SDCBP2: variants seen among roughly 807,000 people sequenced by gnomAD.
SDCBP2 encodes syndecan binding protein 2.
Under a neutral mutation model 30.7 loss-of-function variants are expected in SDCBP2, and 28 were observed. The ratio of observed to expected loss-of-function variants is 0.91; its 90% CI spans 0.68 to 1.25. The LOEUF is 1.25. Ranked by LOEUF, SDCBP2 falls within the 50% of genes most tolerant of loss-of-function variation. The probability of loss-of-function intolerance (pLI) is 0.00; values close to 1 mark genes in which losing one functional copy is unlikely to be tolerated. For missense variants in SDCBP2, 399 were observed against 379.0 expected (o/e 1.05, Z -0.44); for synonymous variants, 166 against 157.3 (o/e 1.06, Z -0.41).
Position 1,314,522 on chromosome 20 carries a change from GGAAAGGAAAAGAAAA to G in SDCBP2, c.226-1039_226-1025del, listed in dbSNP as rs1319220504. On this transcript the variant is annotated intron_variant, in intron 4 of 8. Coordinates refer to ENST00000360779, the MANE Select transcript of SDCBP2 (RefSeq NM_080489.5). ...AAAAAAAAAAAAAAAGGAAAGGAAA[GGAAAGGAAAAGAAAA>G]GAAAGGAAAAGAAAAGAAAAGGAAT... is the stretch of plus-strand genomic sequence containing the variant. Among the ~76,000 whole-genome samples the G allele has an allele frequency of 6.0e-4, 75 of 125,132 alleles. No homozygotes were observed. In the East Asian group the frequency reaches 7.2e-3, roughly 12 times the overall value. 82.1% of individuals were successfully genotyped at this position (125,132 alleles called of 152,430 possible).
In SDCBP2 at chr20:1,310,897, G is replaced by A. The variant is rs765986198; in HGVS notation, c.733-6C>T. ...ATCTCCATGATCTTTTTGTCCTAGG[G>A]AGGAGGCAAGTAAGCGATCACCCTA... On this transcript the variant is annotated splice_polypyrimidine_tract_variant and splice_region_variant and intron_variant, in intron 7 of 8. Transcript: ENST00000360779. 5 of 1,611,416 alleles carry A rather than the reference G, an allele frequency of 3.1e-6. No individual in the cohort carries two copies. The highest frequency in any genetic ancestry group is 4.2e-6 in the Non-Finnish European group (5 of 1,177,896).
At chr20:1,310,757 G>A in intron 8 of SDCBP2, 43 bp downstream of exon 8, 1 of 1,532,484 alleles carries the variant, frequency 6.5e-7, no homozygotes, top group Non-Finnish European at 9.0e-7. Context: ...GAAGGGGATG[G>A]CAGAGGAGGG....
rs115612771 is a variant in SDCBP2 at position 1,316,378 on chromosome 20, C to A, written c.225+1940G>T. ...ACGGCAAAATAAAATGGTATAGCCA[C>A]TCCAGGAACTAGTTTGGCAGTTTCT... On this transcript the variant is annotated intron_variant, in intron 4 of 8. Coordinates refer to ENST00000360779, the MANE Select transcript of SDCBP2 (RefSeq NM_080489.5). 7.4e-3 allele frequency among the ~76,000 whole-genome samples: 1,124 copies of A among 152,232 alleles called. 16 individuals carry two copies. The highest frequency in any genetic ancestry group is 0.025 in the African/African-American group (1,056 of 41,542).
rs1277479965 is a variant in SDCBP2 at position 1,310,424 on chromosome 20, C to T, written c.*17G>A. The T allele has an allele frequency of 1.4e-5, 23 of 1,612,794 alleles. No individual in the cohort carries two copies. The highest frequency in any genetic ancestry group is 1.9e-5 in the Non-Finnish European group (23 of 1,179,710). ...AGGGCGGGAAGCCCCCCCTGCCTGC[C>T]CTGCCCTGCAGTGGCTTCAGGCATC... On this transcript the variant is annotated 3_prime_UTR_variant, in exon 9 of 9. Transcript: ENST00000360779.
chr20:1,320,522 T>C lies in SDCBP2; in HGVS notation c.-19-87A>G. ...ACAGACATCCGCAACAGCAAGCGGGTTGGAACTTAATATTCAAACAGAAAG... is the reference window on the plus strand; with the variant it reads ...ACAGACATCCGCAACAGCAAGCGGGCTGGAACTTAATATTCAAACAGAAAG... On this transcript the variant is annotated intron_variant, in intron 1 of 8. Transcript: ENST00000360779. The surrounding 1 kb of genome is among the most constrained non-coding windows in gnomAD (Gnocchi z 4.7). 9.5e-7 allele frequency: 1 copy of C among 1,050,352 alleles called. No homozygotes were observed. Among genetic ancestry groups the C allele is most frequent in the Non-Finnish European group, 1.4e-6 (1 of 702,072 alleles). The allele number at this position is 1,050,352 out of a possible 1,614,324, so 65.1% of individuals were successfully genotyped here.
rs746228378 is a variant in SDCBP2 at position 1,320,324 on chromosome 20, C to T, written c.54+39G>A. 1 of 1,596,412 alleles carries T rather than the reference C, an allele frequency of 6.3e-7. No homozygotes were observed. The highest frequency in any genetic ancestry group is 8.6e-7 in the Non-Finnish European group (1 of 1,165,634). ...CCTTCCAGGGTAATCCCCAAGGTCCCCTTCAGGGAATCCAGGCCAATGGGG... is the reference window on the plus strand; with the variant it reads ...CCTTCCAGGGTAATCCCCAAGGTCCTCTTCAGGGAATCCAGGCCAATGGGG... On this transcript the variant is annotated intron_variant, in intron 2 of 8. Coordinates refer to ENST00000360779, the MANE Select transcript of SDCBP2 (RefSeq NM_080489.5). The surrounding 1 kb of genome is among the most constrained non-coding windows in gnomAD (Gnocchi z 4.7).
At position 1,321,291 on chromosome 20, in the gene SDCBP2, T is replaced by C. The variant is rs2088847578; in HGVS notation, c.-19-856A>G. On this transcript the variant is annotated intron_variant, in intron 1 of 8. Transcript: ENST00000360779. The surrounding 1 kb of genome is among the most constrained non-coding windows in gnomAD (Gnocchi z 5.2). ...GTGGCACAGGAAACTGAGGGTCCTGTGCCTGAGCGATGTGACTCCAGGCTT... is the reference window on the plus strand; with the variant it reads ...GTGGCACAGGAAACTGAGGGTCCTGCGCCTGAGCGATGTGACTCCAGGCTT... 1 of 152,270 alleles carries C rather than the reference T, an allele frequency of 6.6e-6. No individual in the cohort carries two copies. The highest frequency in any genetic ancestry group is 2.4e-5 in the African/African-American group (1 of 41,420). The allele number at this position is 152,270 out of a possible 1,614,324, so 9.4% of individuals were successfully genotyped here. A position where few individuals can be genotyped will look rare whatever the true frequency, so the allele number is the denominator to read the frequency against.
At chr20:1,319,325 G>T (rs2088821495) in intron 3 of SDCBP2, among the ~76,000 whole-genome samples, 1 of 152,190 alleles carries the variant, frequency 6.6e-6, no homozygotes, top group South Asian at 2.1e-4. Flanking sequence ...CTTGAGCTGG[G>T]TTTGGAAGGA....
chr20:1,327,147 A>G (rs573829916), intron 1 of SDCBP2, among the ~76,000 whole-genome samples: 39 of 152,296 alleles, frequency 2.6e-4, no homozygotes, highest in African/African-American at 8.7e-4. Context: ...TCTCTCTCAG[A>G]GGAATTTTCC....
At chr20:1,314,190 T>C (rs2088733011) in intron 4 of SDCBP2, among the ~76,000 whole-genome samples, 1 of 152,100 alleles carries the variant, frequency 6.6e-6, no homozygotes, top group South Asian at 2.1e-4. Flanking sequence ...TAAACTGAAA[T>C]TTAAAATACA....
chr20:1,325,142 G>A (rs569813105), intron 1 of SDCBP2, among the ~76,000 whole-genome samples: 2 of 152,276 alleles, frequency 1.3e-5, no homozygotes, highest in South Asian at 4.1e-4. Context: ...ACAGGAGCGA[G>A]GTCCAACGCA....
rs1384390271 is a variant in SDCBP2 at position 1,313,263 on chromosome 20, G to C, written c.384+77C>G. On this transcript the variant is annotated intron_variant, in intron 5 of 8. Transcript: ENST00000360779. This position sits in a 1 kb window ranked among gnomAD's most constrained non-coding sequence, Gnocchi z 5.2. ...TCTGCACCTTCCTTACTGTGGACGG[G>C]CCCTCTGAGCTCTGAGGCCTGGCGG... The C allele has an allele frequency of 6.9e-7, 1 of 1,455,370 alleles. No individual in the cohort carries two copies. Among genetic ancestry groups the C allele is most frequent in the Admixed American group, 1.8e-5 (1 of 55,268 alleles). The allele number at this position is 1,455,370 out of a possible 1,614,324, so 90.2% of individuals were successfully genotyped here.
Position 1,313,372 on chromosome 20 carries a change from T to C in SDCBP2, c.352A>G (p.Lys118Glu). The C allele has an allele frequency of 6.2e-7, 1 of 1,611,684 alleles. No individual in the cohort carries two copies. Among genetic ancestry groups the C allele is most frequent in the Non-Finnish European group, 8.5e-7 (1 of 1,179,566 alleles). ...EIHLCKDERG[K>E]TGLRLRKVDQ... Reference sequence around the variant, plus strand: ...ACCTTCCGCAGCCTCAGCCCGGTCTTGCCGCGCTCGTCCTTGCACAGGTGG... The same window carrying C: ...ACCTTCCGCAGCCTCAGCCCGGTCTCGCCGCGCTCGTCCTTGCACAGGTGG... The change falls in exon 5 of 9, where the codon AAG (lysine) becomes GAG (glutamate). Residue 118 changes from lysine to glutamate, a missense_variant. By Grantham distance (56) the Lys-to-Glu change is moderately conservative. Coordinates refer to ENST00000360779, the MANE Select transcript of SDCBP2 (RefSeq NM_080489.5). This position sits in a 1 kb window ranked among gnomAD's most constrained non-coding sequence, Gnocchi z 5.2.
Position 1,315,696 on chromosome 20 carries a change from A to G in SDCBP2, c.226-2198T>C, listed in dbSNP as rs531110449. 1.2e-4 allele frequency among the ~76,000 whole-genome samples: 18 copies of G among 152,376 alleles called. No homozygotes were observed. In the South Asian group the frequency reaches 3.5e-3, roughly 30 times the overall value. On this transcript the variant is annotated intron_variant, in intron 4 of 8. Coordinates refer to ENST00000360779, the MANE Select transcript of SDCBP2 (RefSeq NM_080489.5). ...ACCATTTTAGAAGAATACGAAGGAGAAAATCTTTCGGACTTAGGGCTAGGT... is the reference window on the plus strand; with the variant it reads ...ACCATTTTAGAAGAATACGAAGGAGGAAATCTTTCGGACTTAGGGCTAGGT...
intron 4 of SDCBP2, among the ~76,000 whole-genome samples, chr20:1,316,784 T>A (rs1197243864): frequency 2.0e-5 from 3 of 152,184 alleles, no homozygotes; most frequent in African/African-American, 7.2e-5. Context: ...CGTATGTCTA[T>A]ACAAAAACCT....
chr20:1,316,555 A>G (rs1237596213), intron 4 of SDCBP2, among the ~76,000 whole-genome samples: 3 of 152,082 alleles, frequency 2.0e-5, no homozygotes, highest in African/African-American at 7.2e-5. Flanking sequence ...ATACCTGGCT[A>G]ATTTTTGTAT....
At position 1,320,283 on chromosome 20, in the gene SDCBP2, GC is replaced by G. The variant is rs2122530469; in HGVS notation, c.54+79del. 1 of 1,314,672 alleles carries G rather than the reference GC, an allele frequency of 7.6e-7. No individual in the cohort carries two copies. The highest frequency in any genetic ancestry group is 1.1e-6 in the Non-Finnish European group (1 of 932,148). The allele number at this position is 1,314,672 out of a possible 1,614,324, so 81.4% of individuals were successfully genotyped here. ...TGAGGCCTACGGGAATCTCCAAGTG[GC>G]CCCAGTACCCAGCACCTTCCAGGGT... On this transcript the variant is annotated intron_variant, in intron 2 of 8. Coordinates refer to ENST00000360779, the MANE Select transcript of SDCBP2 (RefSeq NM_080489.5). This position sits in a 1 kb window ranked among gnomAD's most constrained non-coding sequence, Gnocchi z 4.7.
At position 1,313,432 on chromosome 20, in the gene SDCBP2, G is replaced by A. The variant is rs761651583; in HGVS notation, c.292C>T (p.Arg98Trp). The A allele has an allele frequency of 1.2e-6, 2 of 1,602,356 alleles. No individual in the cohort carries two copies. The highest frequency in any genetic ancestry group is 1.7e-5 in the Admixed American group (1 of 59,152). Residue 98 changes from arginine (R) to tryptophan (W), a missense_variant, in exon 5 of 9, where the codon CGG becomes TGG. Arg to Trp is a moderately radical substitution (Grantham distance 101). Coordinates refer to ENST00000360779, the MANE Select transcript of SDCBP2 (RefSeq NM_080489.5). This position sits in a 1 kb window ranked among gnomAD's most constrained non-coding sequence, Gnocchi z 5.2. ...ACCCCGGGCTTGATCTCAGCTCGCC[G>A]CACGCCCAGGCTGTACCCGGTTACC... ...APVTGYSLGV[R>W]RAEIKPGVRE...
chr20:1,325,398 C>T (rs1460082078), intron 1 of SDCBP2: 1 of 152,168 alleles, frequency 6.6e-6, no homozygotes, highest in Non-Finnish European at 1.5e-5. Context: ...TTAGGGGTGA[C>T]TCCCACGATC....
Sources: gnomAD v4.1 joint callset for allele counts (sites outside exome capture counted in the v4.1 genomes callset) on GRCh38, gnomAD v4.1.1 for gene constraint, Gnocchi (gnomAD v3.1) non-coding constraint, MANE v1.5 for transcripts, NCBI Gene and HGNC (gene_info 2026-07-23, HGNC 2026-07-21) for gene names.